Variants in ANKRD36C observed in about 807,000 individuals in gnomAD.
ANKRD36C encodes the protein ankyrin repeat domain 36C, also known as ankyrin repeat domain-containing protein 36C.
Under a neutral mutation model 276.4 loss-of-function variants are expected in ANKRD36C, and 61 were observed. The observed-to-expected ratio is 0.22, with a 90% CI of 0.18 to 0.27. The LOEUF (loss-of-function observed/expected upper bound fraction) is 0.27. ANKRD36C is among the 10% of genes least tolerant of loss of function. The pLI, the probability that ANKRD36C is intolerant of heterozygous loss-of-function variation, is 1.00. For missense variants in ANKRD36C, 1,447 were observed against 2,032.3 expected (o/e 0.71, Z 5.54); for synonymous variants, 483 against 680.1 (o/e 0.71, Z 4.51).
chr2:95,922,224 C>A (rs1677291633), intron 32 of ANKRD36C, among the ~76,000 whole-genome samples: 2 of 151,572 alleles, frequency 1.3e-5, no homozygotes, highest in South Asian at 4.1e-4. Context: ...TGCAAACATT[C>A]ATCATGTTCA....
At chr2:95,871,110 G>C (rs969165754) in intron 59 of ANKRD36C, among the ~76,000 whole-genome samples, 5 of 152,172 alleles carry the variant, frequency 3.3e-5, no homozygotes, top group African/African-American at 1.2e-4. Flanking sequence ...TTATCCAGGA[G>C]AATTTCCCCA....
Position 95,948,521 on chromosome 2 carries a change from G to C in ANKRD36C, c.1362+9C>G. On this transcript the variant is annotated intron_variant, in intron 17 of 66. Transcript: ENST00000456556. ...GTGAGAAAATTAATTTCACAAGAGA[G>C]TACTCTACCTCAGATTCCAAAGCAA... The C allele has an allele frequency of 6.5e-7, 1 of 1,533,662 alleles. No individual in the cohort carries two copies. The highest frequency in any genetic ancestry group is 8.7e-7 in the Non-Finnish European group (1 of 1,145,304).
chr2:95,887,969 G>A (rs777312362), exon 50 of ANKRD36C: 44 of 1,599,514 alleles, frequency 2.8e-5, no homozygotes, highest in East Asian at 9.1e-5. Flanking sequence ...GGGTATATTC[G>A]AAACAGAATC....
At chr2:95,954,084 A>T (rs79037822) in intron 13 of ANKRD36C, 79 bp from the exon 14 acceptor site, 62,472 of 1,451,642 alleles carry the variant, frequency 0.043, no homozygotes, top group African/African-American at 0.12. Context: ...CTATACATGT[A>T]TGTCCACTCC....
At chr2:95,911,651 GC>G (rs1166353543) in intron 42 of ANKRD36C, among the ~76,000 whole-genome samples, 1 of 151,372 alleles carries the variant, frequency 6.6e-6, no homozygotes, top group African/African-American at 2.4e-5. Context: ...TCCAGCAGTT[GC>G]TGGAGCTGCC....
intron 6 of ANKRD36C, among the ~76,000 whole-genome samples, chr2:95,975,471 C>T (rs1002984904): frequency 3.3e-5 from 5 of 152,270 alleles, no homozygotes; most frequent in African/African-American, 1.2e-4. Context: ...AGAAATAATG[C>T]TGCATGTCTA....
At chr2:95,987,029 AT>A (rs1208329787) in intron 2 of ANKRD36C, 62 bp downstream of exon 2, 1 of 1,469,394 alleles carries the variant, frequency 6.8e-7, no homozygotes, top group Non-Finnish European at 9.2e-7. Context: ...AGATAAATTC[AT>A]TTTATCCTAT....
intron 56 of ANKRD36C, among the ~76,000 whole-genome samples, chr2:95,881,307 A>C (rs1209573125): frequency 6.6e-6 from 1 of 152,224 alleles, no homozygotes; most frequent in Non-Finnish European, 1.5e-5. Context: ...TATAAACCCC[A>C]TCAAAAAGTA....
chr2:95,893,222 C>T (rs1371984930), intron 44 of ANKRD36C, among the ~76,000 whole-genome samples: 1 of 151,344 alleles, frequency 6.6e-6, no homozygotes, highest in African/African-American at 2.4e-5. Context: ...CTTTCTCCTT[C>T]CACCCTTACT....
chr2:95,882,225 C>G, intron 56 of ANKRD36C, 77 bp downstream of exon 76: 2 of 1,513,310 alleles, frequency 1.3e-6, no homozygotes, highest in Non-Finnish European at 1.8e-6. Context: ...AATGAGCCCC[C>G]TGCTGATCTA....
chr2:95,918,385 A>G (rs981554424), intron 34 of ANKRD36C, among the ~76,000 whole-genome samples: 29 of 151,680 alleles, frequency 1.9e-4, no homozygotes, highest in Non-Finnish European at 1.3e-4. Flanking sequence ...ATCAATGTCA[A>G]AGCAGGTGCT....
intron 22 of ANKRD36C, among the ~76,000 whole-genome samples, chr2:95,937,320 G>A (rs11684258): frequency 0.22 from 31,657 of 145,304 alleles, 91 homozygotes; most frequent in East Asian, 0.35. Flanking sequence ...AGTCATTTAC[G>A]TGAAAAATGA....
intron 6 of ANKRD36C, among the ~76,000 whole-genome samples, chr2:95,971,451 T>G (rs1005411704): frequency 6.6e-6 from 1 of 151,962 alleles, no homozygotes; most frequent in Non-Finnish European, 1.5e-5. Flanking sequence ...TCTCTTTAGG[T>G]TCTTTTCAAT....
In ANKRD36C at chr2:95,891,088, C is replaced by A. The variant is rs568418030; in HGVS notation, c.2857+577G>T. 4.2e-4 allele frequency among the ~76,000 whole-genome samples: 64 copies of A among 151,538 alleles called. 1 individual carries two copies. The South Asian group carries it at 8.3e-3, about 20-fold the overall frequency. On this transcript the variant is annotated intron_variant, in intron 46 of 66. Coordinates refer to ENST00000456556, the Ensembl canonical transcript of ANKRD36C. ...CAGTAGTTCCTGGAGCAGCCAAAATCAAATATTTGTTATGAAAATATTCCA... is the reference window on the plus strand; with the variant it reads ...CAGTAGTTCCTGGAGCAGCCAAAATAAAATATTTGTTATGAAAATATTCCA...
At chr2:95,974,263 T>G (rs1046633879) in intron 6 of ANKRD36C, among the ~76,000 whole-genome samples, 2 of 152,188 alleles carry the variant, frequency 1.3e-5, no homozygotes, top group African/African-American at 4.8e-5. Context: ...ACATTTAAAG[T>G]TTGAAAATTT....
chr2:95,868,907 A>G (rs2104290527), intron 59 of ANKRD36C, among the ~76,000 whole-genome samples: 1 of 152,416 alleles, frequency 6.6e-6, no homozygotes, highest in South Asian at 2.1e-4. Flanking sequence ...GGTTTTTTTT[A>G]CCCTAGTTTG....
downstream of ANKRD36C, among the ~76,000 whole-genome samples, chr2:95,850,283 A>G (rs1675263478): frequency 1.3e-5 from 2 of 152,266 alleles, no homozygotes; most frequent in African/African-American, 2.4e-5. Flanking sequence ...GATACAGTCC[A>G]CCCCTCAACA....
At chr2:95,980,820 G>C in intron 4 of ANKRD36C, 35 bp from the exon 5 acceptor site, 1 of 1,548,520 alleles carries the variant, frequency 6.5e-7, no homozygotes, top group Non-Finnish European at 8.7e-7. Context: ...AAACTTTAAT[G>C]ACATTTTAAA....
intron 44 of ANKRD36C, among the ~76,000 whole-genome samples, chr2:95,892,075 T>C (rs1676381936): frequency 6.6e-6 from 1 of 151,538 alleles, no homozygotes; most frequent in Admixed American, 6.6e-5. Context: ...ATTTCAAACA[T>C]GGTATGATTT....
Sources: allele counts gnomAD v4.1 joint callset (sites outside exome capture counted in the v4.1 genomes callset), GRCh38; gene constraint gnomAD v4.1.1; transcripts MANE v1.5; gene names NCBI Gene and HGNC (gene_info 2026-07-23, HGNC 2026-07-21).